The following GEN1 variants were observed in gnomAD, a reference collection of about 807,000 sequenced individuals.
GEN1 encodes the protein GEN1 structure-specific endonuclease.
In GEN1, 64 loss-of-function variants were observed where a neutral mutation model predicts 67.6. That is an observed-to-expected ratio of 0.95 (90% CI 0.77 to 1.17). The LOEUF (loss-of-function observed/expected upper bound fraction) is 1.17. Ranked by LOEUF, GEN1 falls within the 50% of genes most tolerant of loss-of-function variation. GEN1 has a pLI of 0.00. For missense variants in GEN1, 1,058 were observed against 1,048.3 expected (o/e 1.01, Z -0.13); for synonymous variants, 371 against 359.4 (o/e 1.03, Z -0.37).
chr2:17,761,440 A>C lies in GEN1; in HGVS notation c.206A>C (p.Lys69Thr), dbSNP rs1386836156. Reference protein sequence around the residue: ...RISYLTQMDVKLVFVMEGEPP... With the variant: ...RISYLTQMDVTLVFVMEGEPP... ...TCATATTTAACACAAATGGATGTAAAACTGGTATTTGTTATGGAAGGGGAA... is the reference window on the plus strand; with the variant it reads ...TCATATTTAACACAAATGGATGTAACACTGGTATTTGTTATGGAAGGGGAA... The change falls in exon 3 of 14, where the codon AAA becomes ACA. Residue 69 changes from lysine (K) to threonine (T), a missense_variant. Transcript: ENST00000381254. 6.2e-7 allele frequency: 1 copy of C among 1,610,294 alleles called. No homozygotes were observed.
intron 1 of GEN1, chr2:17,755,541 ATTAG>A (rs1352768815): frequency 3.3e-5 from 5 of 152,256 alleles, no homozygotes; most frequent in Non-Finnish European, 7.3e-5. Flanking sequence ...AAAGAACAGC[ATTAG>A]TTACTGAGAT....
Position 17,781,254 on chromosome 2 carries a change from A to T in GEN1, c.2042A>T (p.Lys681Ile). The T allele has an allele frequency of 1.2e-6, 2 of 1,613,624 alleles. No homozygotes were observed. The highest frequency in any genetic ancestry group is 1.7e-6 in the Non-Finnish European group (2 of 1,179,606). Residue 681 changes from lysine (K) to isoleucine (I), a missense_variant, in exon 14 of 14, where the codon AAA (lysine) becomes ATA (isoleucine). By Grantham distance (102) the Lys-to-Ile change is moderately radical. Coordinates refer to ENST00000381254, the MANE Select transcript of GEN1 (RefSeq NM_001130009.3). ...DLPLKERIFT[K>I]LSYPQDNLQP... is the part of the protein sequence containing the mutation. ...CCTTTAAAGGAACGAATATTTACAA[A>T]ATTATCATATCCTCAGGATAATCTA...
chr2:17,774,430 G>A (rs1672335904), intron 11 of GEN1, 29 bp downstream of exon 11: 2 of 1,531,840 alleles, frequency 1.3e-6, no homozygotes, highest in South Asian at 2.6e-5. Context: ...TGGTGAAGGT[G>A]GTGTTTTTAC....
intron 12 of GEN1, among the ~76,000 whole-genome samples, chr2:17,778,791 C>T (rs2125171165): frequency 6.6e-6 from 1 of 150,890 alleles, no homozygotes; most frequent in South Asian, 2.1e-4. Context: ...TTTTTTTTAA[C>T]CCTGCTTAGT....
intron 12 of GEN1, among the ~76,000 whole-genome samples, chr2:17,778,322 A>ATGTGTG (rs10626432): frequency 1.0e-4 from 2 of 19,122 alleles, no homozygotes; most frequent in African/African-American, 3.2e-4. Flanking sequence ...ATACACACAC[A>ATGTGTG]CGTGTACATA....
intron 1 of GEN1, 155 bp downstream of exon 1, chr2:17,754,500 G>T (rs1442740262): frequency 1.3e-5 from 2 of 152,160 alleles, no homozygotes; most frequent in East Asian, 1.9e-4. Context: ...GAACCGAGCC[G>T]CCAGGCCGCG....
chr2:17,776,499 C>A (rs984388410), intron 11 of GEN1, among the ~76,000 whole-genome samples: 5 of 152,180 alleles, frequency 3.3e-5, no homozygotes, highest in Non-Finnish European at 7.4e-5. Flanking sequence ...AACTAACTTG[C>A]AAATGGAGAA....
Position 17,779,987 on chromosome 2 carries a change from C to T in GEN1, c.1274C>T (p.Ala425Val). The T allele has an allele frequency of 6.2e-7, 1 of 1,600,384 alleles. No individual in the cohort carries two copies. Among genetic ancestry groups the T allele is most frequent in the Non-Finnish European group, 8.6e-7 (1 of 1,168,784 alleles). Residue 425 changes from alanine (A) to valine (V), a missense_variant, in exon 13 of 14, where the codon GCT becomes GTT. By Grantham distance (64) the Ala-to-Val change is moderately conservative (BLOSUM62 0). Transcript: ENST00000381254. ...EIEWEKPEHY[A>V]MEDKQHGEFA... ...ATTTTTAATCTTTTAGAACATTATG[C>T]TATGGAAGATAAACAACATGGAGAA...
chr2:17,780,876 A>C lies in GEN1; in HGVS notation c.1664A>C (p.Gln555Pro). 1 of 1,613,834 alleles carries C rather than the reference A, an allele frequency of 6.2e-7. No individual in the cohort carries two copies. Among genetic ancestry groups the C allele is most frequent in the South Asian group, 1.1e-5 (1 of 91,064 alleles). ...TCTCTAAGACCTTTGGCTATACAGC[A>C]AATTAAAGCTGTCAGTAAGTCTCTA... is the stretch of plus-strand genomic sequence containing the variant. ...MSSLRPLAIQ[Q>P]IKAVSKSLIS... The change falls in exon 14 of 14, where the codon CAA becomes CCA. Residue 555 changes from glutamine to proline, a missense_variant. By Grantham distance (76) the Gln-to-Pro change is moderately conservative (BLOSUM62 -1). Coordinates refer to ENST00000381254, the MANE Select transcript of GEN1 (RefSeq NM_001130009.3).
chr2:17,775,015 AAGCTT>A (rs1181733300), intron 11 of GEN1, among the ~76,000 whole-genome samples: 1 of 152,156 alleles, frequency 6.6e-6, no homozygotes, highest in Non-Finnish European at 1.5e-5. Context: ...TTGAAGAAGA[AAGCTT>A]AACATATAAA....
At chr2:17,758,174 T>C (rs1484500993) in intron 1 of GEN1, among the ~76,000 whole-genome samples, 4 of 152,232 alleles carry the variant, frequency 2.6e-5, no homozygotes, top group Admixed American at 2.6e-4. Flanking sequence ...AATATTGTTG[T>C]ATAAATCCAT....
intron 11 of GEN1, 125 bp downstream of exon 11, chr2:17,774,526 G>T: frequency 1.6e-6 from 1 of 621,752 alleles, no homozygotes; most frequent in South Asian, 2.8e-5. Context: ...AATATTAAAA[G>T]CTTATTCAGG....
chr2:17,755,492 G>C (rs1252252644), intron 1 of GEN1: 1 of 152,104 alleles, frequency 6.6e-6, no homozygotes, highest in Non-Finnish European at 1.5e-5. Context: ...CAACGTTTAG[G>C]CTAAATTCAT....
chr2:17,774,207 C>T, intron 10 of GEN1, 64 bp from the exon 11 acceptor site: 1 of 855,934 alleles, frequency 1.2e-6, no homozygotes, highest in East Asian at 2.9e-5. Flanking sequence ...ATTAATATCA[C>T]CTAGGAGTGC....
At chr2:17,771,422 TC>T in intron 7 of GEN1, 135 bp downstream of exon 7, 1 of 619,626 alleles carries the variant, frequency 1.6e-6, no homozygotes, top group Admixed American at 2.8e-5. Context: ...GATTAGGAAT[TC>T]CTTGCAGTCA....
Position 17,778,153 on chromosome 2 carries a change from T to C in GEN1, c.1264+90T>C, listed in dbSNP as rs375339141. The C allele has an allele frequency of 2.9e-3, 1,382 of 472,546 alleles. 2 individuals carry two copies. The highest frequency in any genetic ancestry group is 4.8e-3 in the Middle Eastern group (10 of 2,066). The allele number at this position is 472,546 out of a possible 1,614,324, so 29.3% of individuals were successfully genotyped here. A position where few individuals can be genotyped will look rare whatever the true frequency, so the allele number is the denominator to read the frequency against. ...TTGTATATGTGTATATATATATATA[T>C]ACACACACACATAGATATGTGTATA... On this transcript the variant is annotated intron_variant, in intron 12 of 13. Coordinates refer to ENST00000381254, the MANE Select transcript of GEN1 (RefSeq NM_001130009.3).
At position 17,778,296 on chromosome 2, in the gene GEN1, G is replaced by A. The variant is rs1341772549; in HGVS notation, c.1264+233G>A. On this transcript the variant is annotated intron_variant, in intron 12 of 13. Transcript: ENST00000381254. ...TATATGTATATACACACACATGTGT[G>A]TGTACATATATGTATATACACACAC... is the stretch of plus-strand genomic sequence containing the variant. Among the ~76,000 whole-genome samples the A allele has an allele frequency of 4.0e-4, 49 of 121,502 alleles. 1 individual carries two copies. Among genetic ancestry groups the A allele is most frequent in the Non-Finnish European group, 5.3e-4 (30 of 56,402 alleles). The allele number at this position is 121,502 out of a possible 152,430, so 79.7% of individuals were successfully genotyped here.
At position 17,781,355 on chromosome 2, in the gene GEN1, T is replaced by C; in HGVS notation, c.2143T>C (p.Cys715Arg). Reference protein sequence around the residue: ...ESCIANSGSDCTSHLSKDLPG... With the variant: ...ESCIANSGSDRTSHLSKDLPG... ...TTGTATTGCTAACAGTGGTTCTGAT[T>C]GTACATCACATCTTTCAAAGGATCT... is the stretch of plus-strand genomic sequence containing the variant. Residue 715 changes from cysteine (C) to arginine (R), a missense_variant, in exon 14 of 14, where the codon TGT becomes CGT. Physicochemically the swap from Cys to Arg is radical, Grantham distance 180 (BLOSUM62 -3). Transcript: ENST00000381254. 4 of 1,613,944 alleles carry C rather than the reference T, an allele frequency of 2.5e-6. No homozygotes were observed. Among genetic ancestry groups the C allele is most frequent in the Non-Finnish European group, 3.4e-6 (4 of 1,179,888 alleles).
chr2:17,773,017 G>A (rs142043428), intron 8 of GEN1, 79 bp from the exon 9 acceptor site: 13,429 of 933,974 alleles, frequency 0.014, 136 homozygotes, highest in Non-Finnish European at 0.018. Context: ...TTATTAAATG[G>A]GAGGAGATTG....
Sources: gnomAD v4.1 joint callset for allele counts (sites outside exome capture counted in the v4.1 genomes callset) on GRCh38, gnomAD v4.1.1 for gene constraint, MANE v1.5 for transcripts, NCBI Gene and HGNC (gene_info 2026-07-23, HGNC 2026-07-21) for gene names.